EYS: variants seen among roughly 807,000 people sequenced by gnomAD.
EYS encodes protein eyes shut homolog.
In EYS, 250 loss-of-function variants were observed where a neutral mutation model predicts 282.1. That is an observed-to-expected ratio of 0.89 (90% CI 0.80 to 0.98). The LOEUF is 0.98. EYS is among the 50% of genes least tolerant of loss of function. The probability of loss-of-function intolerance (pLI) is 0.00; values close to 1 mark genes in which losing one functional copy is unlikely to be tolerated. For missense variants in EYS, 4,016 were observed against 3,709.0 expected (o/e 1.08, Z -2.15); for synonymous variants, 1,355 against 1,282.9 (o/e 1.06, Z -1.20).
intron 1 of EYS, among the ~76,000 whole-genome samples, chr6:65,684,355 C>T (rs1768932126): frequency 1.3e-5 from 2 of 151,952 alleles, no homozygotes; most frequent in African/African-American, 2.4e-5. Context: ...ATAAAGAAAG[C>T]TGTGGCACTT....
At chr6:63,856,746 T>G (rs1010388862) in intron 36 of EYS, among the ~76,000 whole-genome samples, 1 of 152,212 alleles carries the variant, frequency 6.6e-6, no homozygotes, top group Non-Finnish European at 1.5e-5. Context: ...CTGCTTCCCA[T>G]GATATTTCTT....
chr6:65,193,295 A>T (rs781439802), intron 12 of EYS, among the ~76,000 whole-genome samples: 1 of 151,918 alleles, frequency 6.6e-6, no homozygotes, highest in Non-Finnish European at 1.5e-5. Context: ...CAGCATCTGT[A>T]CCTAGAAAGT....
At chr6:65,024,935 G>A (rs957430922) in intron 13 of EYS, among the ~76,000 whole-genome samples, 3 of 152,012 alleles carry the variant, frequency 2.0e-5, no homozygotes, top group Admixed American at 1.3e-4. Flanking sequence ...GGTGATTAAG[G>A]GTAGTGAATT....
At chr6:64,864,664 G>A (rs1252008677) in intron 19 of EYS, among the ~76,000 whole-genome samples, 1 of 151,320 alleles carries the variant, frequency 6.6e-6, no homozygotes, top group African/African-American at 2.4e-5. Flanking sequence ...GATTACAAGC[G>A]TGAGCCACTG....
rs569099208 is a variant in EYS, at chr6:65,401,398, T to G, written c.1184+1080A>C. ...ATGTTTGGGGAGGAGATGTATTTGT[T>G]TTTTTTTTTAAGTTGATCACTTTTC... On this transcript the variant is annotated intron_variant, in intron 7 of 42. Transcript: ENST00000503581. 4.1e-3 allele frequency among the ~76,000 whole-genome samples: 613 copies of G among 149,454 alleles called. 5 individuals carry two copies. Among genetic ancestry groups the G allele is most frequent in the African/African-American group, 0.014 (580 of 40,868 alleles).
intron 12 of EYS, among the ~76,000 whole-genome samples, chr6:65,111,041 TGA>T (rs1052825225): frequency 2.4e-4 from 36 of 152,068 alleles, no homozygotes; most frequent in Non-Finnish European, 5.0e-4. Flanking sequence ...CAGATGGAAT[TGA>T]CTTGGCAGCT....
chr6:63,760,418 C>A (rs910993172), intron 41 of EYS, among the ~76,000 whole-genome samples: 6 of 151,844 alleles, frequency 4.0e-5, no homozygotes, highest in African/African-American at 1.5e-4. Context: ...ATGTGTGAAC[C>A]AGAATTCTTG....
intron 7 of EYS, among the ~76,000 whole-genome samples, chr6:65,395,395 T>C (rs1446321131): frequency 6.6e-6 from 1 of 152,180 alleles, no homozygotes; most frequent in Admixed American, 6.6e-5. Context: ...TTTTTCCAAC[T>C]TTATCGAAGC....
At chr6:64,347,594 G>A (rs202202501) in intron 29 of EYS, among the ~76,000 whole-genome samples, 2 of 149,852 alleles carry the variant, frequency 1.3e-5, no homozygotes. Flanking sequence ...GATACGCAAA[G>A]AAAAAAAAAC....
chr6:65,279,094 G>A (rs544021455), intron 12 of EYS, among the ~76,000 whole-genome samples: 3 of 152,126 alleles, frequency 2.0e-5, no homozygotes, highest in Admixed American at 6.5e-5. Context: ...AGGCTGAGGT[G>A]AGAGGATCGC....
chr6:65,045,485 A>T (rs925949758), intron 13 of EYS, among the ~76,000 whole-genome samples: 8 of 151,804 alleles, frequency 5.3e-5, no homozygotes, highest in Admixed American at 2.0e-4. Context: ...TGAGAGGGAA[A>T]ACCTCTCGAA....
intron 41 of EYS, among the ~76,000 whole-genome samples, chr6:63,738,065 A>T (rs1334799274): frequency 1.3e-5 from 2 of 152,312 alleles, no homozygotes; most frequent in East Asian, 1.9e-4. Flanking sequence ...TAGAATGGTA[A>T]TCATTAAAAA....
chr6:65,195,711 A>G (rs902239250), intron 12 of EYS, among the ~76,000 whole-genome samples: 1 of 152,024 alleles, frequency 6.6e-6, no homozygotes, highest in Non-Finnish European at 1.5e-5. Flanking sequence ...GCACACCATG[A>G]ACACACCACC....
At chr6:65,594,367 G>T (rs1756470814) in intron 2 of EYS, among the ~76,000 whole-genome samples, 1 of 151,546 alleles carries the variant, frequency 6.6e-6, no homozygotes, top group African/African-American at 2.4e-5. Context: ...TTTTCATTTT[G>T]TATCCTGTAC....
At chr6:64,614,569 C>T (rs957287791) in intron 24 of EYS, among the ~76,000 whole-genome samples, 4 of 152,014 alleles carry the variant, frequency 2.6e-5, no homozygotes, top group South Asian at 2.1e-4. Flanking sequence ...AGATGCTCCT[C>T]GACTTATGAT....
chr6:63,807,844 G>A (rs1039516073), intron 36 of EYS, among the ~76,000 whole-genome samples: 3 of 152,100 alleles, frequency 2.0e-5, no homozygotes, highest in Non-Finnish European at 4.4e-5. Flanking sequence ...TATGGGGAGG[G>A]TGATTGAGGG....
At chr6:65,331,148 T>TA in intron 11 of EYS, 2 of 900,380 alleles carry the variant, frequency 2.2e-6, no homozygotes. Flanking sequence ...ATATTATTCA[T>TA]AAATATATAT....
intron 14 of EYS, among the ~76,000 whole-genome samples, chr6:64,951,319 C>A (rs1769500491): frequency 6.6e-6 from 1 of 151,808 alleles, no homozygotes; most frequent in East Asian, 1.9e-4. Context: ...AGCAAAAAAA[C>A]AAAAACAAAA....
At chr6:65,489,530 A>G (rs1344147424) in intron 5 of EYS, 4 of 152,284 alleles carry the variant, frequency 2.6e-5, no homozygotes, top group Admixed American at 2.6e-4. Context: ...TGTTGGTGGG[A>G]GTGTAAATTA....
Sources: gnomAD v4.1 joint callset for allele counts (sites outside exome capture counted in the v4.1 genomes callset) on GRCh38, gnomAD v4.1.1 for gene constraint, MANE v1.5 for transcripts, NCBI Gene and HGNC (gene_info 2026-07-23, HGNC 2026-07-21) for gene names.